COL22A1: variants seen among roughly 807,000 people sequenced by gnomAD.
COL22A1 encodes the protein collagen alpha-1(XXII) chain.
Under a neutral mutation model 248.9 loss-of-function variants are expected in COL22A1, and 221 were observed. That is an observed-to-expected ratio of 0.89 (90% confidence interval 0.80 to 0.99). The LOEUF (loss-of-function observed/expected upper bound fraction) is 0.99. Among genes scored for constraint, COL22A1 ranks in the 50% least tolerant of loss-of-function variants. COL22A1 has a pLI of 0.00. For synonymous variants in COL22A1, 891 were observed against 793.4 expected (o/e 1.12, Z -2.07); for missense variants, 2,240 against 2,179.0 (o/e 1.03, Z -0.56).
intron 3 of COL22A1, among the ~76,000 whole-genome samples, chr8:138,852,750 G>C (rs1165324004): frequency 1.3e-5 from 2 of 152,128 alleles, no homozygotes; most frequent in Non-Finnish European, 2.9e-5. Flanking sequence ...CCAGTGAGGT[G>C]GGAGGAGAAC....
chr8:138,646,588 G>A, intron 47 of COL22A1, 41 bp downstream of exon 47: 9 of 1,452,746 alleles, frequency 6.2e-6, no homozygotes, highest in Non-Finnish European at 1.9e-6. Flanking sequence ...ATTGAGATGA[G>A]CAGAATAGAT....
chr8:138,724,618 G>A lies in COL22A1; in HGVS notation c.2244C>T (p.Pro748=). 1.9e-6 allele frequency: 3 copies of A among 1,614,070 alleles called. No homozygotes were observed. The highest frequency in any genetic ancestry group is 2.5e-6 in the Non-Finnish European group (3 of 1,179,926). ...GAAGATGTTTCCGAACACTCACCGT[G>A]GGCCCAGGAGGTCCAGGCTTTCCCG... ...GFPGKPGPPG[P]TGPPGKDGPN... The change falls in exon 25 of 65, where the codon CCC becomes CCT. Residue 748 remains proline, a synonymous_variant. Transcript: ENST00000303045.
rs117564704 is a variant in COL22A1 at position 138,715,821 on chromosome 8, G to A, written c.2464-86C>T. On this transcript the variant is annotated intron_variant, in intron 29 of 64. Coordinates refer to ENST00000303045, the MANE Select transcript of COL22A1 (RefSeq NM_152888.3). Reference sequence around the variant, plus strand: ...TTCAAGGTAAGAGCAACATGACTTTGGAAAAACATACATGTATATATTTCT... The same window carrying A: ...TTCAAGGTAAGAGCAACATGACTTTAGAAAAACATACATGTATATATTTCT... 1.6e-4 allele frequency: 153 copies of A among 949,312 alleles called. 1 individual carries two copies. Among genetic ancestry groups the A allele is most frequent in the Non-Finnish European group, 2.4e-4 (143 of 602,654 alleles). 58.8% of individuals were successfully genotyped at this position (949,312 alleles called of 1,614,324 possible).
intron 2 of COL22A1, 34 bp from the exon 3 acceptor site, chr8:138,878,350 A>C (rs1823913182): frequency 6.8e-7 from 1 of 1,467,240 alleles, no homozygotes; most frequent in African/African-American, 1.4e-5. Context: ...GCGTAGGGCA[A>C]ATGGGCATGG....
At chr8:138,689,945 C>G (rs1168184537) in intron 36 of COL22A1, among the ~76,000 whole-genome samples, 1 of 152,152 alleles carries the variant, frequency 6.6e-6, no homozygotes, top group Non-Finnish European at 1.5e-5. Flanking sequence ...GACTCCCAGC[C>G]AGAAGAATGC....
In COL22A1 at chr8:138,780,933, G is replaced by C; in HGVS notation, c.1644C>G (p.Gly548=). 1.2e-6 allele frequency: 2 copies of C among 1,613,398 alleles called. No individual in the cohort carries two copies. The highest frequency in any genetic ancestry group is 1.7e-6 in the Non-Finnish European group (2 of 1,179,452). ...PGPPGRDGSK[G]MRGEPGELGE... ...CAGACGGAACAGAACTTACTCTCAT[G>C]CCTTTGCTGCCGTCTCTCCCAGGGG... The change falls in exon 13 of 65, where the codon GGC becomes GGG. Residue 548 remains glycine (G), a synonymous_variant. Coordinates refer to ENST00000303045, the MANE Select transcript of COL22A1 (RefSeq NM_152888.3).
At chr8:138,663,011 G>GACACACACACACACACACACACACAC (rs1587803147) in intron 42 of COL22A1, among the ~76,000 whole-genome samples, 2 of 25,972 alleles carry the variant, frequency 7.7e-5, no homozygotes, top group East Asian at 3.5e-3. Context: ...GCAGGACTCT[G>GACACACACACACACACACACACACAC]TCACTCACAC....
At chr8:138,831,840 T>C (rs1820069309) in intron 5 of COL22A1, among the ~76,000 whole-genome samples, 1 of 152,108 alleles carries the variant, frequency 6.6e-6, no homozygotes, top group Non-Finnish European at 1.5e-5. Context: ...TAACACAATA[T>C]TGTCAGAGGC....
rs1004191598 is a variant in COL22A1, at chr8:138,700,201, T to C, written c.2560-57A>G. On this transcript the variant is annotated intron_variant, in intron 31 of 64. Transcript: ENST00000303045. ...GGGCATCAAGGAACCCAGTGTTTCA[T>C]TTTTAAAACCTGCCTTGGAGAGATT... 33 of 1,550,798 alleles carry C rather than the reference T, an allele frequency of 2.1e-5. No individual in the cohort carries two copies. In the African/African-American group the frequency reaches 3.4e-4, roughly 16 times the overall value.
At chr8:138,811,365 A>G (rs1204674964) in intron 9 of COL22A1, among the ~76,000 whole-genome samples, 1 of 151,950 alleles carries the variant, frequency 6.6e-6, no homozygotes, top group African/African-American at 2.4e-5. Context: ...ACACATATAT[A>G]TATATACACG....
At chr8:138,644,316 T>C (rs1822006448) in intron 47 of COL22A1, among the ~76,000 whole-genome samples, 1 of 152,168 alleles carries the variant, frequency 6.6e-6, no homozygotes, top group Non-Finnish European at 1.5e-5. Context: ...TAAAGTATTA[T>C]TTACCTAGGT....
At position 138,630,694 on chromosome 8, in the gene COL22A1, C is replaced by T. The variant is rs1179674841; in HGVS notation, c.3663+1G>A. 1 of 1,613,546 alleles carries T rather than the reference C, an allele frequency of 6.2e-7. No homozygotes were observed. Among genetic ancestry groups the T allele is most frequent in the South Asian group, 1.1e-5 (1 of 91,062 alleles). On this transcript the variant is annotated splice_donor_variant, in intron 50 of 64. Coordinates refer to ENST00000303045, the MANE Select transcript of COL22A1 (RefSeq NM_152888.3). LOFTEE classifies it high-confidence loss of function. Reference sequence around the variant, plus strand: ...CAGATCCCATTCCTTGAGGAACTTACAGGTGACCCTTGGATTCCTGGTGGT... The same window carrying T: ...CAGATCCCATTCCTTGAGGAACTTATAGGTGACCCTTGGATTCCTGGTGGT...
At position 138,658,284 on chromosome 8, in the gene COL22A1, T is replaced by C. The variant is rs140286020; in HGVS notation, c.3285+2152A>G. On this transcript the variant is annotated intron_variant, in intron 44 of 64. Coordinates refer to ENST00000303045, the MANE Select transcript of COL22A1 (RefSeq NM_152888.3). ...AGGCTGCTGCCTGGTTCCTGGGAAT[T>C]ACCTCTACGCCCTTGGAATGTCCTG... 3.6e-3 allele frequency among the ~76,000 whole-genome samples: 553 copies of C among 152,324 alleles called. 3 individuals carry two copies. The highest frequency in any genetic ancestry group is 0.013 in the African/African-American group (530 of 41,580).
rs570468652 is a variant in COL22A1 at position 138,737,587 on chromosome 8, AAAG to A, written c.2086-13_2086-11del. The A allele has an allele frequency of 2.1e-4, 341 of 1,601,488 alleles. 1 individual carries two copies. The South Asian group carries it at 3.5e-3, about 16-fold the overall frequency. On this transcript the variant is annotated splice_polypyrimidine_tract_variant and intron_variant, in intron 22 of 64. Coordinates refer to ENST00000303045, the MANE Select transcript of COL22A1 (RefSeq NM_152888.3). Reference sequence around the variant, plus strand: ...TGTCACCTTTCTTCCCCTGAGTGTAAAAGAAGAAGCTAAAATTAACAAGCAGGC... The same window carrying A: ...TGTCACCTTTCTTCCCCTGAGTGTAAAAGAAGCTAAAATTAACAAGCAGGC...
intron 1 of COL22A1, among the ~76,000 whole-genome samples, chr8:138,899,457 T>C (rs931441986): frequency 6.6e-6 from 1 of 152,210 alleles, no homozygotes; most frequent in African/African-American, 2.4e-5. Context: ...GGTTAATAGA[T>C]TCTCGTGTTA....
Position 138,602,025 on chromosome 8 carries a change from T to C in COL22A1, c.4185+90A>G, listed in dbSNP as rs759451282. 2.1e-6 allele frequency: 3 copies of C among 1,409,502 alleles called. No individual in the cohort carries two copies. In the Admixed American group the frequency reaches 5.1e-5, roughly 24 times the overall value. The allele number at this position is 1,409,502 out of a possible 1,614,324, so 87.3% of individuals were successfully genotyped here. A position where few individuals can be genotyped will look rare whatever the true frequency, so the allele number is the denominator to read the frequency against. On this transcript the variant is annotated intron_variant, in intron 60 of 64. Transcript: ENST00000303045. ...ATGATCCAGGCGGGTGTTTACTAAC[T>C]GCCTTGGACAAAGGCCAGGCTCAAC... is the stretch of plus-strand genomic sequence containing the variant.
chr8:138,697,206 G>C (rs1488048736), intron 32 of COL22A1, among the ~76,000 whole-genome samples: 1 of 152,154 alleles, frequency 6.6e-6, no homozygotes, highest in Non-Finnish European at 1.5e-5. Flanking sequence ...GAATGTGTAA[G>C]TTTGGCTGGC....
chr8:138,679,930 T>G (rs543409539), intron 39 of COL22A1, among the ~76,000 whole-genome samples: 1 of 152,278 alleles, frequency 6.6e-6, no homozygotes, highest in Admixed American at 6.5e-5. Context: ...GGAGGCAGCA[T>G]GACAGAAAGG....
intron 1 of COL22A1, among the ~76,000 whole-genome samples, chr8:138,912,122 C>T (rs1475804390): frequency 6.6e-6 from 1 of 152,156 alleles, no homozygotes; most frequent in Non-Finnish European, 1.5e-5. Context: ...CTTCCATCAG[C>T]TCCATCAGCA....
Sources: gnomAD v4.1 joint callset for allele counts (sites outside exome capture counted in the v4.1 genomes callset) on GRCh38, gnomAD v4.1.1 for gene constraint, MANE v1.5 for transcripts, NCBI Gene and HGNC (gene_info 2026-07-23, HGNC 2026-07-21) for gene names.